The following RSF1 variants were observed in gnomAD, a reference collection of about 807,000 sequenced individuals.
RSF1 encodes the protein HBV pX-associated protein 8.
RSF1 carries 13 observed loss-of-function variants against 145.2 expected under a neutral mutation model. That is an observed-to-expected ratio of 0.09 (90% CI 0.06 to 0.14). The LOEUF (loss-of-function observed/expected upper bound fraction) is 0.14, where lower values mean the gene tolerates loss of function less well. Ranked by LOEUF, RSF1 falls within the 10% of genes least tolerant of loss-of-function variation. The pLI is 1.00. For missense variants in RSF1, 1,517 were observed against 1,718.2 expected (o/e 0.88, Z 2.07); for synonymous variants, 577 against 592.6 (o/e 0.97, Z 0.38).
At chr11:77,807,487 A>G (rs1326597680) in intron 1 of RSF1, among the ~76,000 whole-genome samples, 1 of 152,236 alleles carries the variant, frequency 6.6e-6, no homozygotes, top group Non-Finnish European at 1.5e-5. Context: ...ATTTAGAATC[A>G]AAGACACAAG....
chr11:77,692,233 A>ATTTTTTTTTTTTTTTT lies in RSF1; in HGVS notation c.2821-1011_2821-996dup, dbSNP rs71046904. Among the ~76,000 whole-genome samples, 165 of 49,470 alleles carry ATTTTTTTTTTTTTTTT rather than the reference A, an allele frequency of 3.3e-3. 27 individuals are homozygous for ATTTTTTTTTTTTTTTT. The highest frequency in any genetic ancestry group is 3.6e-3 in the Non-Finnish European group (111 of 30,686). 32.5% of individuals were successfully genotyped at this position (49,470 alleles called of 152,430 possible). On this transcript the variant is annotated intron_variant, in intron 8 of 15. Coordinates refer to ENST00000308488, the MANE Select transcript of RSF1 (RefSeq NM_016578.4). ...AAAAAATAATTATTACTACTTTTAA[A>ATTTTTTTTTTTTTTTT]TTTTTTTTTTTTTTTTTTTTTTTTT...
chr11:77,807,288 T>C (rs1480773886), intron 1 of RSF1, among the ~76,000 whole-genome samples: 1 of 152,212 alleles, frequency 6.6e-6, no homozygotes, highest in Non-Finnish European at 1.5e-5. Flanking sequence ...CAAATTTCCA[T>C]AATGCCTACA....
intron 1 of RSF1, among the ~76,000 whole-genome samples, chr11:77,785,939 A>AAC (rs1357630038): frequency 5.6e-4 from 83 of 148,080 alleles, no homozygotes; most frequent in Non-Finnish European, 1.2e-3. Flanking sequence ...AAAAAAAAAA[A>AAC]AAAAAAAAAA....
chr11:77,843,083 G>C, the RSF1 span, among the ~76,000 whole-genome samples: 1 of 152,124 alleles, frequency 6.6e-6, no homozygotes, highest in Admixed American at 6.6e-5. Context: ...AACCTTTTGA[G>C]GTACTGCCAG....
At chr11:77,717,925 C>A (rs776707827) in intron 5 of RSF1, 1 of 152,202 alleles carries the variant, frequency 6.6e-6, no homozygotes, top group Non-Finnish European at 1.5e-5. Flanking sequence ...CTATTCACTA[C>A]GAGCAAGAGT....
At chr11:77,830,987 C>CAAAAAAAAAAAAAAAAAAAA in the RSF1 span, among the ~76,000 whole-genome samples, 5 of 100,514 alleles carry the variant, frequency 5.0e-5, no homozygotes, top group Non-Finnish European at 4.1e-5. Flanking sequence ...CAAAATATAC[C>CAAAAAAAAAAAAAAAAAAAA]AAAAAAAAAA....
chr11:77,851,965 T>C, the RSF1 span, among the ~76,000 whole-genome samples: 2 of 152,132 alleles, frequency 1.3e-5, no homozygotes, highest in Non-Finnish European at 2.9e-5. Context: ...AACAGTTGCA[T>C]ACCATCAATT....
chr11:77,684,310 C>T (rs1471542902), intron 10 of RSF1, among the ~76,000 whole-genome samples: 1 of 152,122 alleles, frequency 6.6e-6, no homozygotes, highest in Admixed American at 6.5e-5. Flanking sequence ...ACATTTTATG[C>T]ACTTTCACTC....
chr11:77,752,167 T>C lies in RSF1; in HGVS notation c.280-5039A>G, dbSNP rs369359642. On this transcript the variant is annotated intron_variant, in intron 2 of 15. Coordinates refer to ENST00000308488, the MANE Select transcript of RSF1 (RefSeq NM_016578.4). ...AAGCAGCCCAAGAAGTTATTTATTT[T>C]TCTAATAAAGAGCAGCCTGAAAAAT... Among the ~76,000 whole-genome samples the C allele has an allele frequency of 2.4e-4, 37 of 152,306 alleles. No homozygotes were observed. The South Asian group carries it at 4.6e-3, about 19-fold the overall frequency.
chr11:77,739,995 A>C (rs1242323227), intron 4 of RSF1, among the ~76,000 whole-genome samples: 1 of 152,258 alleles, frequency 6.6e-6, no homozygotes, highest in Non-Finnish European at 1.5e-5. Flanking sequence ...CAATAAAGAA[A>C]TGTATGCACA....
intron 1 of RSF1, among the ~76,000 whole-genome samples, chr11:77,815,705 G>T (rs757855580): frequency 6.6e-6 from 1 of 151,904 alleles, no homozygotes; most frequent in Non-Finnish European, 1.5e-5. Context: ...TTTCTTACTA[G>T]ATTAGAAATT....
chr11:77,668,809 G>A (rs1163263990), intron 15 of RSF1, among the ~76,000 whole-genome samples: 3 of 152,088 alleles, frequency 2.0e-5, no homozygotes, highest in Non-Finnish European at 4.4e-5. Flanking sequence ...TTTGATATCT[G>A]CGGGGATCCT....
intron 3 of RSF1, among the ~76,000 whole-genome samples, chr11:77,744,841 T>C (rs1166160602): frequency 6.6e-6 from 1 of 152,250 alleles, no homozygotes; most frequent in Non-Finnish European, 1.5e-5. Flanking sequence ...TATTTTCTCC[T>C]CTTCAGCTTT....
intron 1 of RSF1, among the ~76,000 whole-genome samples, chr11:77,817,111 C>G (rs1003086624): frequency 6.6e-6 from 1 of 152,304 alleles, no homozygotes; most frequent in Non-Finnish European, 1.5e-5. Context: ...CTCAAACATT[C>G]TAGCTTCACG....
rs1378199734 is a variant in RSF1, at chr11:77,663,008, T to C, written c.*3909A>G. On this transcript the variant is annotated 3_prime_UTR_variant, in exon 16 of 16. Coordinates refer to ENST00000308488, the MANE Select transcript of RSF1 (RefSeq NM_016578.4). Reference sequence around the variant, plus strand: ...TATTTTTTCTGATACTTATCTGAAGTGTGTGCGTGTGCACACACACACACA... The same window carrying C: ...TATTTTTTCTGATACTTATCTGAAGCGTGTGCGTGTGCACACACACACACA... 1 of 138,602 alleles carries C rather than the reference T, an allele frequency of 7.2e-6. No homozygotes were observed. The highest frequency in any genetic ancestry group is 1.6e-5 in the Non-Finnish European group (1 of 62,178). The allele number at this position is 138,602 out of a possible 1,614,324, so 8.6% of individuals were successfully genotyped here. A position where few individuals can be genotyped will look rare whatever the true frequency, so the allele number is the denominator to read the frequency against.
At chr11:77,766,816 A>G (rs772585876) in intron 1 of RSF1, among the ~76,000 whole-genome samples, 2 of 151,876 alleles carry the variant, frequency 1.3e-5, no homozygotes, top group Non-Finnish European at 2.9e-5. Context: ...TTAAATATTA[A>G]CAAAAGAAGT....
chr11:77,757,297 C>T (rs1375749112), intron 2 of RSF1, among the ~76,000 whole-genome samples: 1 of 152,056 alleles, frequency 6.6e-6, no homozygotes, highest in African/African-American at 2.4e-5. Flanking sequence ...AGAGACAAGA[C>T]CATGAAGGAA....
chr11:77,849,718 A>G, the RSF1 span, among the ~76,000 whole-genome samples: 8 of 152,142 alleles, frequency 5.3e-5, no homozygotes, highest in Admixed American at 1.3e-4. Flanking sequence ...TTGAAGACCT[A>G]GCTATTCCAT....
At chr11:77,843,438 C>G in the RSF1 span, among the ~76,000 whole-genome samples, 1 of 152,110 alleles carries the variant, frequency 6.6e-6, no homozygotes, top group Non-Finnish European at 1.5e-5. Flanking sequence ...CCTGCTCCTC[C>G]TGGGAAGGAA....
Sources: allele counts gnomAD v4.1 joint callset (sites outside exome capture counted in the v4.1 genomes callset), GRCh38; gene constraint gnomAD v4.1.1; transcripts MANE v1.5; gene names NCBI Gene and HGNC (gene_info 2026-07-23, HGNC 2026-07-21).